The following SMIM14 variants were observed in gnomAD, a reference collection of about 807,000 sequenced individuals.
SMIM14 encodes the protein small integral membrane protein 14, also known as chromosome 4 open reading frame 34.
SMIM14 carries 5 observed loss-of-function variants against 12.6 expected under a neutral mutation model. That is an observed-to-expected ratio of 0.40 (90% confidence interval 0.21 to 0.83). The LOEUF is 0.83. SMIM14 is among the 40% of genes least tolerant of loss of function. The pLI is 0.37. For synonymous variants in SMIM14, 30 were observed against 40.1 expected, an observed-to-expected ratio of 0.75 and a Z score of 0.95; for missense variants, 86 against 119.1, an observed-to-expected ratio of 0.72 and a Z score of 1.29.
chr4:39,612,016 G>A (rs1715054196), intron 1 of SMIM14: 1 of 151,988 alleles, frequency 6.6e-6, no homozygotes, highest in Admixed American at 6.6e-5. Context: ...AGATGGAGAT[G>A]CGGCCTGAGC....
chr4:39,558,959 C>T lies in SMIM14; in HGVS notation c.125-2389G>A, dbSNP rs184471517. 1.1e-4 allele frequency among the ~76,000 whole-genome samples: 17 copies of T among 152,310 alleles called. No individual in the cohort carries two copies. In the East Asian group the frequency reaches 1.9e-3, roughly 17 times the overall value. ...TCCTGACCTCGTGATCTGCCTGCTT[C>T]GGCCTCCCAAAGTGCTGGGATTACA... On this transcript the variant is annotated intron_variant, in intron 3 of 4. Transcript: ENST00000295958. The surrounding 1 kb of genome is among the most constrained non-coding windows in gnomAD (Gnocchi z 4.3).
intron 3 of SMIM14, among the ~76,000 whole-genome samples, chr4:39,566,860 G>A (rs373840470): frequency 4.6e-5 from 7 of 152,186 alleles, no homozygotes; most frequent in African/African-American, 1.4e-4. Context: ...CCAGCTACTC[G>A]GGAGGCTGAG....
At chr4:39,628,536 G>A (rs776248483) in intron 1 of SMIM14, among the ~76,000 whole-genome samples, 39 of 150,780 alleles carry the variant, frequency 2.6e-4, no homozygotes, top group Non-Finnish European at 4.0e-4. Context: ...AAAATTAGCC[G>A]GGCATAGTGG....
intron 2 of SMIM14, among the ~76,000 whole-genome samples, chr4:39,592,361 C>T (rs188998033): frequency 6.6e-6 from 1 of 150,880 alleles, no homozygotes; most frequent in Admixed American, 6.6e-5. Context: ...CCTCTGCCTC[C>T]GAAAGTGCTG....
chr4:39,614,989 A>G (rs1715166855), intron 1 of SMIM14, among the ~76,000 whole-genome samples: 1 of 152,216 alleles, frequency 6.6e-6, no homozygotes, highest in African/African-American at 2.4e-5. Context: ...GGAATTTTCC[A>G]GTGCTGTTAA....
chr4:39,546,832 C>CTAT lies in SMIM14; in HGVS notation c.*5291_*5293dup, dbSNP rs1747365100. 1 of 152,196 alleles carries CTAT rather than the reference C, an allele frequency of 6.6e-6. No homozygotes were observed. Among genetic ancestry groups the CTAT allele is most frequent in the South Asian group, 2.1e-4 (1 of 4,834 alleles). 9.4% of individuals were successfully genotyped at this position (152,196 alleles called of 1,614,324 possible). ...TCAAAATCATGCCAGAGCAGTGTTA[C>CTAT]TATTTTTACATGTATATGAGTATTC... On this transcript the variant is annotated 3_prime_UTR_variant, in exon 5 of 5. Coordinates refer to ENST00000295958, the MANE Select transcript of SMIM14 (RefSeq NM_174921.3).
chr4:39,557,547 TA>T (rs1287667425), intron 3 of SMIM14, among the ~76,000 whole-genome samples: 1 of 152,172 alleles, frequency 6.6e-6, no homozygotes, highest in Admixed American at 6.6e-5. Flanking sequence ...TTAATGAGGC[TA>T]GGGGCCCTAA....
At chr4:39,611,616 G>C (rs958092616) in intron 1 of SMIM14, among the ~76,000 whole-genome samples, 1 of 151,932 alleles carries the variant, frequency 6.6e-6, no homozygotes, top group African/African-American at 2.4e-5. Flanking sequence ...GGAGGTTATA[G>C]TGAGCCGAGA....
At chr4:39,568,177 G>A (rs1712678170) in intron 3 of SMIM14, among the ~76,000 whole-genome samples, 1 of 151,762 alleles carries the variant, frequency 6.6e-6, no homozygotes, top group Non-Finnish European at 1.5e-5. Context: ...TACTTGGGAG[G>A]CTGAGGCAGG....
chr4:39,605,136 CT>C lies in SMIM14; in HGVS notation c.9del (p.Gly4ValfsTer16), dbSNP rs745531686. On this transcript the variant is annotated frameshift_variant, in exon 2 of 5. Coordinates refer to ENST00000295958, the MANE Select transcript of SMIM14 (RefSeq NM_174921.3). LOFTEE classifies it high-confidence loss of function. MA[E>X]GGFDPCECVC... ...ACACATTCACAGGGATCAAATCCAC[CT>C]TCTGCCATGATTACCCAGCTTGATT... is the stretch of plus-strand genomic sequence containing the variant. 6.2e-7 allele frequency: 1 copy of C among 1,604,970 alleles called. No individual in the cohort carries two copies. The highest frequency in any genetic ancestry group is 8.5e-7 in the Non-Finnish European group (1 of 1,178,268).
chr4:39,563,329 T>C (rs1202503161), intron 3 of SMIM14, among the ~76,000 whole-genome samples: 1 of 152,180 alleles, frequency 6.6e-6, no homozygotes, highest in African/African-American at 2.4e-5. Context: ...CCCAAAGTGA[T>C]GGGATTACAG....
At chr4:39,568,205 G>A (rs933946312) in intron 3 of SMIM14, among the ~76,000 whole-genome samples, 5 of 151,854 alleles carry the variant, frequency 3.3e-5, no homozygotes, top group African/African-American at 1.2e-4. Context: ...CTTGAGCCTG[G>A]GAGGCGGAAG....
intron 3 of SMIM14, among the ~76,000 whole-genome samples, chr4:39,567,033 G>C (rs1290859730): frequency 6.6e-6 from 1 of 151,658 alleles, no homozygotes; most frequent in Non-Finnish European, 1.5e-5. Flanking sequence ...CTACTTGGGA[G>C]GCTGAGGCAG....
At chr4:39,567,785 T>G (rs757564929) in intron 3 of SMIM14, among the ~76,000 whole-genome samples, 59 of 152,086 alleles carry the variant, frequency 3.9e-4, no homozygotes, top group Middle Eastern at 3.4e-3. Context: ...TATGCTCCTG[T>G]AGTCCCAGCT....
intron 1 of SMIM14, among the ~76,000 whole-genome samples, chr4:39,631,859 A>G (rs1715911032): frequency 1.3e-5 from 2 of 151,950 alleles, no homozygotes; most frequent in Non-Finnish European, 2.9e-5. Context: ...AACCAGCTTC[A>G]TTCTGTCATT....
intron 3 of SMIM14, among the ~76,000 whole-genome samples, chr4:39,568,355 A>T (rs1712689482): frequency 6.6e-6 from 1 of 152,052 alleles, no homozygotes. Context: ...AACAACATTG[A>T]CTCTACCTAG....
At chr4:39,559,514 G>C (rs1712186395) in intron 3 of SMIM14, among the ~76,000 whole-genome samples, 1 of 152,184 alleles carries the variant, frequency 6.6e-6, no homozygotes, top group African/African-American at 2.4e-5. Context: ...GTTTGGTTTT[G>C]ATCTCCTTGC....
intron 2 of SMIM14, among the ~76,000 whole-genome samples, chr4:39,578,547 TG>T (rs1481407969): frequency 6.6e-6 from 1 of 152,184 alleles, no homozygotes; most frequent in Non-Finnish European, 1.5e-5. Flanking sequence ...AATGTGGGGA[TG>T]GGTGCCACAT....
intron 2 of SMIM14, among the ~76,000 whole-genome samples, chr4:39,599,249 G>T (rs1714499963): frequency 6.6e-6 from 1 of 152,186 alleles, no homozygotes; most frequent in Non-Finnish European, 1.5e-5. Flanking sequence ...CAGCAAGGGG[G>T]CCAGAATTGT....
Sources: allele counts gnomAD v4.1 joint callset (sites outside exome capture counted in the v4.1 genomes callset), GRCh38; gene constraint gnomAD v4.1.1; non-coding constraint Gnocchi (gnomAD v3.1); transcripts MANE v1.5; gene names NCBI Gene and HGNC (gene_info 2026-07-23, HGNC 2026-07-21).